Variants in STK3 observed in about 807,000 individuals in gnomAD.
The protein encoded by STK3 is serine/threonine-protein kinase 3.
A neutral mutation model predicts 58.0 loss-of-function variants in STK3; 41 were observed. The observed-to-expected ratio is 0.71, with a 90% CI of 0.55 to 0.92. The LOEUF is 0.92. Ranked by LOEUF, STK3 falls within the 40% of genes least tolerant of loss-of-function variation. The pLI is 0.00. For missense variants in STK3, 479 were observed against 602.7 expected (o/e 0.79, Z 2.15); for synonymous variants, 170 against 191.0 (o/e 0.89, Z 0.91).
chr8:98,906,277 T>C (rs1248069583), intron 1 of STK3: 1 of 152,570 alleles, frequency 6.6e-6, no homozygotes, highest in African/African-American at 2.4e-5. Context: ...CTTGGTGACA[T>C]TGTGATGGTT....
chr8:98,466,863 G>A (rs1820504507), intron 10 of STK3, among the ~76,000 whole-genome samples: 1 of 151,976 alleles, frequency 6.6e-6, no homozygotes, highest in Non-Finnish European at 1.5e-5. Flanking sequence ...CTCCTCTTTT[G>A]GAGTAAAGAG....
intron 10 of STK3, among the ~76,000 whole-genome samples, chr8:98,505,564 C>T (rs201466334): frequency 1.3e-4 from 20 of 152,182 alleles, no homozygotes; most frequent in East Asian, 7.7e-4. Flanking sequence ...GGTGACCTAC[C>T]GATGGGGTTT....
upstream of STK3, among the ~76,000 whole-genome samples, chr8:98,392,915 T>TC (rs1433072556): frequency 6.6e-6 from 1 of 151,922 alleles, no homozygotes; most frequent in East Asian, 1.9e-4. Flanking sequence ...GTATCCTGGA[T>TC]CCCCCCTTCA....
intron 3 of STK3, among the ~76,000 whole-genome samples, chr8:98,836,582 C>T (rs1356994965): frequency 1.3e-5 from 2 of 152,192 alleles, no homozygotes; most frequent in Non-Finnish European, 2.9e-5. Flanking sequence ...TACTCCAGTC[C>T]TCAGTTATAG....
intron 8 of STK3, among the ~76,000 whole-genome samples, chr8:98,579,356 G>A (rs1165186752): frequency 6.6e-6 from 1 of 152,044 alleles, no homozygotes; most frequent in Non-Finnish European, 1.5e-5. Flanking sequence ...GAAAATTCCA[G>A]AAGATATGAC....
intron 6 of STK3, among the ~76,000 whole-genome samples, chr8:98,677,477 C>A (rs548057096): frequency 6.6e-6 from 1 of 151,286 alleles, no homozygotes; most frequent in East Asian, 2.0e-4. Context: ...AATCTGATAA[C>A]CTATTATTCA....
At chr8:98,674,235 C>A (rs1823035876) in intron 6 of STK3, among the ~76,000 whole-genome samples, 1 of 152,008 alleles carries the variant, frequency 6.6e-6, no homozygotes, top group Non-Finnish European at 1.5e-5. Flanking sequence ...CACAAAAGGA[C>A]AACCAAAGAA....
In STK3 at chr8:98,433,230, T is replaced by C. The variant is rs184159818; in HGVS notation, n.483+897A>G. ...GTAACTCTTGTGAAACAGACACCCC[T>C]GCAGGATTTTCCTCCTGCATGCTTT... is the stretch of plus-strand genomic sequence containing the variant. On this transcript the variant is annotated intron_variant and non_coding_transcript_variant, in intron 3 of 3. Transcript: ENST00000517832. Among the ~76,000 whole-genome samples the C allele has an allele frequency of 4.2e-3, 635 of 152,180 alleles. 4 individuals carry two copies. Among genetic ancestry groups the C allele is most frequent in the African/African-American group, 0.015 (606 of 41,532 alleles).
intron 10 of STK3, among the ~76,000 whole-genome samples, chr8:98,478,334 T>C (rs1438586009): frequency 6.6e-6 from 1 of 151,816 alleles, no homozygotes; most frequent in Non-Finnish European, 1.5e-5. Flanking sequence ...GGGGGTGGGG[T>C]GGAAGAAGGG....
chr8:98,635,519 T>C (rs1425196643), intron 6 of STK3, among the ~76,000 whole-genome samples: 2 of 152,194 alleles, frequency 1.3e-5, no homozygotes, highest in Admixed American at 1.3e-4. Context: ...TCCATGATCT[T>C]AATCATCAAG....
chr8:98,460,769 C>T (rs1819903083), intron 10 of STK3, among the ~76,000 whole-genome samples: 1 of 152,208 alleles, frequency 6.6e-6, no homozygotes, highest in Non-Finnish European at 1.5e-5. Flanking sequence ...TCTACTCTCT[C>T]CTGCCACCAT....
chr8:98,415,990 G>C (rs1381449749), intron 3 of STK3, among the ~76,000 whole-genome samples: 1 of 152,176 alleles, frequency 6.6e-6, no homozygotes, highest in Non-Finnish European at 1.5e-5. Context: ...GTACTCCATG[G>C]GGTAGCTCAG....
At chr8:98,676,839 C>G (rs1363978146) in intron 6 of STK3, among the ~76,000 whole-genome samples, 1 of 152,064 alleles carries the variant, frequency 6.6e-6, no homozygotes, top group Non-Finnish European at 1.5e-5. Context: ...CAGTAATTAG[C>G]TTCACTCTAA....
chr8:98,773,490 G>A (rs1396523480), intron 2 of STK3, among the ~76,000 whole-genome samples: 1 of 151,962 alleles, frequency 6.6e-6, no homozygotes, highest in Non-Finnish European at 1.5e-5. Flanking sequence ...TATGCACAGT[G>A]GCCCACACCT....
chr8:98,387,898 C>T (rs192900788), intron 1 of STK3, among the ~76,000 whole-genome samples: 18 of 132,128 alleles, frequency 1.4e-4, no homozygotes, highest in African/African-American at 5.4e-4. Flanking sequence ...TTGTCAGATA[C>T]GGAGCAGGAA....
intron 4 of STK3, among the ~76,000 whole-genome samples, chr8:98,714,581 T>C (rs749471358): frequency 6.6e-6 from 1 of 152,144 alleles, no homozygotes; most frequent in Non-Finnish European, 1.5e-5. Flanking sequence ...ACAAGGGACA[T>C]GAAGGACCTC....
the STK3 span, among the ~76,000 whole-genome samples, chr8:98,344,817 C>T: frequency 1.3e-4 from 18 of 137,364 alleles, no homozygotes; most frequent in African/African-American, 4.4e-4. Context: ...GGCGTGAACC[C>T]GGGAGGCGGA....
chr8:98,634,582 T>C (rs1819497117), intron 6 of STK3, among the ~76,000 whole-genome samples: 1 of 152,130 alleles, frequency 6.6e-6, no homozygotes, highest in African/African-American at 2.4e-5. Flanking sequence ...AACCAGTTGT[T>C]TCAAATACAT....
At chr8:98,429,606 GC>G in intron 3 of STK3, 1 of 553,838 alleles carries the variant, frequency 1.8e-6, no homozygotes. Context: ...CTGACACCAT[GC>G]CTTTGCACCT....
Sources: allele counts gnomAD v4.1 joint callset (sites outside exome capture counted in the v4.1 genomes callset), GRCh38; gene constraint gnomAD v4.1.1; transcripts MANE v1.5; gene names NCBI Gene and HGNC (gene_info 2026-07-23, HGNC 2026-07-21).